KBTBD3: variants seen among roughly 807,000 people sequenced by gnomAD.
KBTBD3 encodes kelch repeat and BTB domain-containing protein 3.
Under a neutral mutation model 49.6 loss-of-function variants are expected in KBTBD3, and 38 were observed. The observed-to-expected ratio is 0.77, with a 90% CI of 0.59 to 1.00. The LOEUF is 1.00. Ranked by LOEUF, KBTBD3 falls within the 50% of genes least tolerant of loss-of-function variation. KBTBD3 has a pLI of 0.00. For synonymous variants in KBTBD3, 214 were observed against 250.4 expected (o/e 0.85, Z 1.37); for missense variants, 661 against 712.0 (o/e 0.93, Z 0.81).
Position 106,052,562 on chromosome 11 carries a change from G to GTTTT in KBTBD3, c.*287_*288insAAAA, listed in dbSNP as rs1860439983. Reference sequence around the variant, plus strand: ...CATCTAAACAGTACAAATCTTTTATGGACAGAGTACTTTAAAAATCAAAGT... The same window carrying GTTTT: ...CATCTAAACAGTACAAATCTTTTATGTTTTGACAGAGTACTTTAAAAATCAAAGT... On this transcript the variant is annotated 3_prime_UTR_variant, in exon 4 of 4. Transcript: ENST00000531837. The GTTTT allele has an allele frequency of 1.3e-5, 4 of 296,922 alleles. No homozygotes were observed. Among genetic ancestry groups the GTTTT allele is most frequent in the Non-Finnish European group, 2.5e-5 (4 of 160,266 alleles). The allele number at this position is 296,922 out of a possible 1,614,324, so 18.4% of individuals were successfully genotyped here.
At chr11:106,057,860 C>T (rs1359751233) in intron 3 of KBTBD3, 3 of 378,834 alleles carry the variant, frequency 7.9e-6, no homozygotes, top group African/African-American at 6.2e-5. Flanking sequence ...CGGAAATTTT[C>T]TTTTCTCGCA....
At chr11:106,066,732 T>C (rs1396145522) in intron 2 of KBTBD3, among the ~76,000 whole-genome samples, 1 of 22,362 alleles carries the variant, frequency 4.5e-5, no homozygotes, top group Non-Finnish European at 7.9e-5. Context: ...ATAATCCCTA[T>C]TAAAAAAAAA....
chr11:106,056,726 C>T (rs1182873223), intron 3 of KBTBD3, among the ~76,000 whole-genome samples: 3 of 152,152 alleles, frequency 2.0e-5, no homozygotes, highest in Non-Finnish European at 4.4e-5. Flanking sequence ...AGTTAAGTAA[C>T]TTGCCTAATA....
chr11:106,053,196 T>C lies in KBTBD3; in HGVS notation c.1493A>G (p.His498Arg), dbSNP rs770314302. 6.2e-7 allele frequency: 1 copy of C among 1,613,614 alleles called. No homozygotes were observed. The highest frequency in any genetic ancestry group is 1.1e-5 in the South Asian group (1 of 91,068). ...ELVAEFGQFF[H>R]ATLIKAVPVN... is the part of the protein sequence containing the mutation. The stretch of plus-strand genomic sequence containing the variant: ...TGGTACAGCTTTAATTAATGTTGCA[T>C]GAAAAAATTGCCCAAACTCTGCTAC... Residue 498 changes from histidine (H) to arginine (R), a missense_variant, in exon 4 of 4, where the codon CAT becomes CGT. His to Arg is a conservative substitution (Grantham distance 29). Coordinates refer to ENST00000531837, the MANE Select transcript of KBTBD3 (RefSeq NM_198439.3).
At chr11:106,069,606 T>G (rs1327842022) in intron 2 of KBTBD3, among the ~76,000 whole-genome samples, 1 of 146,230 alleles carries the variant, frequency 6.8e-6, no homozygotes, top group African/African-American at 2.5e-5. Context: ...AAAAAAAAAA[T>G]AAAAGAAGAC....
At chr11:106,062,385 A>C (rs1374025927) in intron 2 of KBTBD3, among the ~76,000 whole-genome samples, 1 of 152,166 alleles carries the variant, frequency 6.6e-6, no homozygotes, top group East Asian at 1.9e-4. Flanking sequence ...AAGTCCCAAG[A>C]TCTACAACTA....
rs773026640 is a variant in KBTBD3 at position 106,058,994 on chromosome 11, C to T, written c.104G>A (p.Gly35Glu). 4 of 1,555,014 alleles carry T rather than the reference C, an allele frequency of 2.6e-6. No individual in the cohort carries two copies. The highest frequency in any genetic ancestry group is 2.8e-5 in the African/African-American group (2 of 70,512). ...CTGTAGTACACTTAAGATTTTTTGT[C>T]CATGATCTTCTGATACAAGGAAGTT... ...KNNFLVSEDH[G>E]QKILSVLQNF... Residue 35 changes from glycine (G) to glutamate (E), a missense_variant, in exon 3 of 4, where the codon GGA (glycine) becomes GAA (glutamate). Gly to Glu is a moderately conservative substitution (Grantham distance 98). Transcript: ENST00000531837.
intron 2 of KBTBD3, among the ~76,000 whole-genome samples, chr11:106,064,693 T>C (rs529362744): frequency 5.3e-5 from 8 of 152,284 alleles, no homozygotes; most frequent in Middle Eastern, 6.8e-3. Flanking sequence ...GATCAAGGTG[T>C]CTTCTCAGTG....
At chr11:106,056,185 A>C (rs1004705338) in intron 3 of KBTBD3, among the ~76,000 whole-genome samples, 1 of 152,170 alleles carries the variant, frequency 6.6e-6, no homozygotes, top group African/African-American at 2.4e-5. Flanking sequence ...GCATTATAGG[A>C]GAGTGTAAAT....
At chr11:106,063,502 C>A (rs1252929305) in intron 2 of KBTBD3, among the ~76,000 whole-genome samples, 1 of 152,170 alleles carries the variant, frequency 6.6e-6, no homozygotes, top group East Asian at 1.9e-4. Flanking sequence ...TAGAATCAGG[C>A]TTGAGTTCCA....
intron 2 of KBTBD3, 64 bp downstream of exon 2, chr11:106,076,443 A>T (rs1861030984): frequency 6.6e-6 from 1 of 152,230 alleles, no homozygotes; most frequent in South Asian, 2.1e-4. Flanking sequence ...TATAGATAAA[A>T]ACATAATAGA....
Position 106,059,088 on chromosome 11 carries a change from C to T in KBTBD3, c.10G>A (p.Ala4Thr), listed in dbSNP as rs759499399. 5 of 1,543,808 alleles carry T rather than the reference C, an allele frequency of 3.2e-6. No individual in the cohort carries two copies. In the Admixed American group the frequency reaches 7.1e-5, roughly 22 times the overall value. The change falls in exon 3 of 4, where the codon GCT becomes ACT. Residue 4 changes from alanine (A) to threonine (T), a missense_variant. By Grantham distance (58) the Ala-to-Thr change is moderately conservative (BLOSUM62 0). Coordinates refer to ENST00000531837, the MANE Select transcript of KBTBD3 (RefSeq NM_198439.3). ...TTGAAAGCATATGAATTATCCATAG[C>T]CAATTCCATATGTCCTTAGAACTAG... is the stretch of plus-strand genomic sequence containing the variant. MEL[A>T]MDNSYAFNQR...
intron 2 of KBTBD3, among the ~76,000 whole-genome samples, chr11:106,059,318 A>T (rs1477840974): frequency 6.6e-6 from 1 of 152,222 alleles, no homozygotes; most frequent in African/African-American, 2.4e-5. Flanking sequence ...GAATAAAAGT[A>T]TATTTTTCAT....
intron 2 of KBTBD3, among the ~76,000 whole-genome samples, chr11:106,074,035 T>A (rs138146999): frequency 1.3e-5 from 2 of 152,256 alleles, no homozygotes; most frequent in African/African-American, 2.4e-5. Context: ...GCAGGTACTA[T>A]TCTAGATACT....
Position 106,075,125 on chromosome 11 carries a change from C to T in KBTBD3, c.-13+1382G>A, listed in dbSNP as rs572122660. Among the ~76,000 whole-genome samples, 5 of 152,174 alleles carry T rather than the reference C, an allele frequency of 3.3e-5. No individual in the cohort carries two copies. The East Asian group carries it at 9.7e-4, about 29-fold the overall frequency. Reference sequence around the variant, plus strand: ...TAGAGCTGGAAATAGAATACGAGTCCCTCAGAATCCTGCTAAGAAGCCACA... The same window carrying T: ...TAGAGCTGGAAATAGAATACGAGTCTCTCAGAATCCTGCTAAGAAGCCACA... On this transcript the variant is annotated intron_variant, in intron 2 of 3. Coordinates refer to ENST00000531837, the MANE Select transcript of KBTBD3 (RefSeq NM_198439.3).
intron 2 of KBTBD3, among the ~76,000 whole-genome samples, chr11:106,074,015 A>T (rs1410232145): frequency 6.6e-6 from 1 of 152,178 alleles, no homozygotes; most frequent in Non-Finnish European, 1.5e-5. Context: ...ATGGAGTAAC[A>T]AATATTGTGG....
rs1353318664 is a variant in KBTBD3, at chr11:106,059,103, C to A, written c.-6G>T. 1 of 1,516,724 alleles carries A rather than the reference C, an allele frequency of 6.6e-7. No homozygotes were observed. The highest frequency in any genetic ancestry group is 8.8e-7 in the Non-Finnish European group (1 of 1,133,210). The allele number at this position is 1,516,724 out of a possible 1,614,324, so 94.0% of individuals were successfully genotyped here. ...TTATCCATAGCCAATTCCATATGTC[C>A]TTAGAACTAGAATAAAAACAAAATC... On this transcript the variant is annotated 5_prime_UTR_variant, in exon 3 of 4. In the 5' UTR this introduces an upstream ATG that the reference lacks. Coordinates refer to ENST00000531837, the MANE Select transcript of KBTBD3 (RefSeq NM_198439.3).
intron 3 of KBTBD3, 156 bp downstream of exon 3, chr11:106,058,709 C>G: frequency 1.7e-6 from 1 of 584,598 alleles, no homozygotes. Context: ...CAGGCGTGAG[C>G]CACCGTGCCC....
rs1173123696 is a variant in KBTBD3 at position 106,051,591 on chromosome 11, A to G, written c.*1259T>C. 6.6e-6 allele frequency: 1 copy of G among 151,932 alleles called. No homozygotes were observed. Among genetic ancestry groups the G allele is most frequent in the Non-Finnish European group, 1.5e-5 (1 of 67,868 alleles). 9.4% of individuals were successfully genotyped at this position (151,932 alleles called of 1,614,324 possible). A position where few individuals can be genotyped will look rare whatever the true frequency, so the allele number is the denominator to read the frequency against. ...AGAAGTACAATCTACACATTACCTG[A>G]GATGTAAAGCAGGGGTCTTAAAACC... is the stretch of plus-strand genomic sequence containing the variant. On this transcript the variant is annotated 3_prime_UTR_variant, in exon 4 of 4. Coordinates refer to ENST00000531837, the MANE Select transcript of KBTBD3 (RefSeq NM_198439.3).
Sources: gnomAD v4.1 joint callset for allele counts (sites outside exome capture counted in the v4.1 genomes callset) on GRCh38, gnomAD v4.1.1 for gene constraint, MANE v1.5 for transcripts, NCBI Gene and HGNC (gene_info 2026-07-23, HGNC 2026-07-21) for gene names.